Variants in OCA2 observed in about 807,000 individuals in gnomAD.
OCA2 encodes OCA2 melanosomal transmembrane protein, also known as P protein.
Under a neutral mutation model 100.2 loss-of-function variants are expected in OCA2, and 77 were observed. The observed-to-expected ratio is 0.77, with a 90% CI of 0.64 to 0.93. OCA2 has a LOEUF of 0.93. Ranked by LOEUF, OCA2 falls within the 40% of genes least tolerant of loss-of-function variation. OCA2 has a pLI of 0.00. For missense variants in OCA2, 1,062 were observed against 1,089.1 expected, an observed-to-expected ratio of 0.98 and a Z score of 0.35; for synonymous variants, 432 against 439.2, an observed-to-expected ratio of 0.98 and a Z score of 0.21.
chr15:27,957,871 A>T lies in OCA2; in HGVS notation c.1637-136T>A. ...ACGTGCAGGTAGCCCAGGGTCACCC[A>T]GAGCTTCTCAGCACCTGAGCTATTG... On this transcript the variant is annotated intron_variant, in intron 15 of 23. Coordinates refer to ENST00000354638, the MANE Select transcript of OCA2 (RefSeq NM_000275.3). The surrounding 1 kb of genome is among the most constrained non-coding windows in gnomAD (Gnocchi z 4.3). 1 of 945,068 alleles carries T rather than the reference A, an allele frequency of 1.1e-6. No individual in the cohort carries two copies. The highest frequency in any genetic ancestry group is 1.7e-6 in the Non-Finnish European group (1 of 602,148). 58.5% of individuals were successfully genotyped at this position (945,068 alleles called of 1,614,324 possible).
chr15:27,726,749 T>TAATAA, the OCA2 span, among the ~76,000 whole-genome samples: 27 of 152,118 alleles, frequency 1.8e-4, no homozygotes, highest in Admixed American at 8.5e-4. Flanking sequence ...ACTTAAAGTA[T>TAATAA]AATAAAATAA....
intron 23 of OCA2, among the ~76,000 whole-genome samples, chr15:27,824,602 C>CTATATATATATATATATATA (rs142689690): frequency 1.1e-4 from 5 of 47,550 alleles, no homozygotes; most frequent in South Asian, 1.5e-3. Flanking sequence ...CTCTCTCTCT[C>CTATATATATATATATATATA]TATATATATA....
chr15:27,823,004 A>G (rs1266114278), intron 23 of OCA2, among the ~76,000 whole-genome samples: 2 of 152,222 alleles, frequency 1.3e-5, no homozygotes, highest in African/African-American at 4.8e-5. Flanking sequence ...ATTTAGATCT[A>G]CGGTCCATAT....
At chr15:27,968,646 A>C (rs2040662389) in intron 14 of OCA2, among the ~76,000 whole-genome samples, 1 of 152,224 alleles carries the variant, frequency 6.6e-6, no homozygotes, top group South Asian at 2.1e-4. Flanking sequence ...GTTGTGTAAA[A>C]GTTTAGAGCT....
chr15:27,814,659 CT>C (rs1342792950), intron 23 of OCA2, among the ~76,000 whole-genome samples: 1 of 152,188 alleles, frequency 6.6e-6, no homozygotes, highest in Non-Finnish European at 1.5e-5. Flanking sequence ...AGGCAGATCC[CT>C]TGAGGTCAGG....
Position 27,948,010 on chromosome 15 carries a change from T to C in OCA2, c.1951+3774A>G, listed in dbSNP as rs574854493. ...AATCTGTGAGCAGCAATGAGAACTT[T>C]GTTCGTGCATCCTGAGAACCTACAC... is the stretch of plus-strand genomic sequence containing the variant. On this transcript the variant is annotated intron_variant, in intron 18 of 23. Transcript: ENST00000354638. Among the ~76,000 whole-genome samples, 10 of 152,240 alleles carry C rather than the reference T, an allele frequency of 6.6e-5. No individual in the cohort carries two copies. The South Asian group carries it at 2.1e-3, about 32-fold the overall frequency.
the OCA2 span, among the ~76,000 whole-genome samples, chr15:27,727,245 G>A: frequency 6.6e-6 from 1 of 152,242 alleles, no homozygotes; most frequent in South Asian, 2.1e-4. Flanking sequence ...CCTTGAGGAT[G>A]AGAGCCTCCC....
chr15:27,909,695 C>T (rs2594914), intron 19 of OCA2, among the ~76,000 whole-genome samples: 8,250 of 152,058 alleles, frequency 0.054, 768 homozygotes, highest in African/African-American at 0.19. Flanking sequence ...CAGGTAGTCA[C>T]TTGGAAAAAT....
At chr15:28,021,827 AC>A (rs1307674063) in intron 6 of OCA2, among the ~76,000 whole-genome samples, 1 of 152,062 alleles carries the variant, frequency 6.6e-6, no homozygotes, top group Non-Finnish European at 1.5e-5. Context: ...AGTAGCTCTT[AC>A]CCCAGTGGGA....
chr15:27,827,404 A>C (rs2034772076), intron 23 of OCA2, among the ~76,000 whole-genome samples: 2 of 152,334 alleles, frequency 1.3e-5, no homozygotes, highest in East Asian at 3.9e-4. Flanking sequence ...TCCGGGTTTA[A>C]TATAGGAAAA....
chr15:27,926,332 T>C (rs1404807831), intron 18 of OCA2, 78 bp from the exon 19 acceptor site: 5 of 1,483,154 alleles, frequency 3.4e-6, no homozygotes, highest in Non-Finnish European at 4.7e-6. Flanking sequence ...TCTGGTTGCC[T>C]TTTTCTTTAT....
At chr15:27,757,745 A>T (rs2030501475) in intron 23 of OCA2, among the ~76,000 whole-genome samples, 1 of 152,222 alleles carries the variant, frequency 6.6e-6, no homozygotes, top group African/African-American at 2.4e-5. Flanking sequence ...TAGAACAGTG[A>T]GAACAGTGGC....
At chr15:27,876,350 T>C (rs1003964273) in intron 19 of OCA2, among the ~76,000 whole-genome samples, 2 of 152,084 alleles carry the variant, frequency 1.3e-5, no homozygotes, top group African/African-American at 4.8e-5. Flanking sequence ...TACCATAGCA[T>C]TTGATTTGAT....
intron 19 of OCA2, among the ~76,000 whole-genome samples, chr15:27,894,940 C>T (rs2037625286): frequency 6.6e-6 from 1 of 152,174 alleles, no homozygotes; most frequent in African/African-American, 2.4e-5. Context: ...TTGCCTGGAC[C>T]TTGCATATTT....
At position 27,963,045 on chromosome 15, in the gene OCA2, T is replaced by C. The variant is rs572220680; in HGVS notation, c.1636+3645A>G. ...GAATATTATCATGGATCGCAAAGAT[T>C]GTTTTTATAGCAAGGTGTTAAATCA... On this transcript the variant is annotated intron_variant, in intron 15 of 23. Coordinates refer to ENST00000354638, the MANE Select transcript of OCA2 (RefSeq NM_000275.3). 4.6e-5 allele frequency among the ~76,000 whole-genome samples: 7 copies of C among 152,350 alleles called. No individual in the cohort carries two copies. The South Asian group carries it at 6.2e-4, about 14-fold the overall frequency.
the OCA2 span, among the ~76,000 whole-genome samples, chr15:27,737,878 G>A: frequency 6.6e-6 from 1 of 152,150 alleles, no homozygotes; most frequent in Non-Finnish European, 1.5e-5. Context: ...TAGGAGAATG[G>A]ACAAAAGGTG....
intron 19 of OCA2, among the ~76,000 whole-genome samples, chr15:27,877,506 A>G (rs1427484099): frequency 6.6e-6 from 1 of 151,914 alleles, no homozygotes; most frequent in Non-Finnish European, 1.5e-5. Context: ...TTTACCAGGG[A>G]CATTTATAAT....
chr15:27,809,868 A>G (rs2034004877), intron 23 of OCA2, among the ~76,000 whole-genome samples: 1 of 152,244 alleles, frequency 6.6e-6, no homozygotes. Flanking sequence ...GAAATCATAG[A>G]TGGCACAAAC....
At chr15:27,980,863 C>T (rs914120231) in intron 14 of OCA2, among the ~76,000 whole-genome samples, 2 of 152,222 alleles carry the variant, frequency 1.3e-5, no homozygotes, top group Admixed American at 6.5e-5. Flanking sequence ...TAGTATTCTA[C>T]GTGTTTCTTG....
Sources: allele counts gnomAD v4.1 joint callset (sites outside exome capture counted in the v4.1 genomes callset), GRCh38; gene constraint gnomAD v4.1.1; non-coding constraint Gnocchi (gnomAD v3.1); transcripts MANE v1.5; gene names NCBI Gene and HGNC (gene_info 2026-07-23, HGNC 2026-07-21).